Variants in DENND5B observed in about 807,000 individuals in gnomAD.
DENND5B encodes DENN domain containing 5B.
DENND5B carries 34 observed loss-of-function variants against 140.6 expected under a neutral mutation model. The ratio of observed to expected loss-of-function variants is 0.24; its 90% CI spans 0.18 to 0.32. The LOEUF (loss-of-function observed/expected upper bound fraction) is 0.32, where lower values mean the gene tolerates loss of function less well. Ranked by LOEUF, DENND5B falls within the 10% of genes least tolerant of loss-of-function variation. DENND5B has a pLI of 1.00. For missense variants in DENND5B, 1,142 were observed against 1,560.2 expected, an observed-to-expected ratio of 0.73 and a Z score of 4.52; for synonymous variants, 551 against 562.1, an observed-to-expected ratio of 0.98 and a Z score of 0.28.
chr12:31,465,352 T>A (rs78582828), intron 3 of DENND5B: 1 of 152,582 alleles, frequency 6.6e-6, no homozygotes, highest in Non-Finnish European at 1.5e-5. Context: ...ACACCTATGA[T>A]CCTGGATGCT....
At chr12:31,537,184 C>T (rs1046505211) in intron 1 of DENND5B, among the ~76,000 whole-genome samples, 5 of 152,092 alleles carry the variant, frequency 3.3e-5, no homozygotes, top group Admixed American at 2.6e-4. Context: ...CACAGAATAA[C>T]ACTGTAACTG....
chr12:31,387,598 T>C lies in DENND5B; in HGVS notation c.*5A>G, dbSNP rs1290756445. On this transcript the variant is annotated 3_prime_UTR_variant, in exon 21 of 21. Coordinates refer to ENST00000389082, the MANE Select transcript of DENND5B (RefSeq NM_144973.4). Reference sequence around the variant, plus strand: ...GTTTGGACTGAGAGTTTCTAGCCAGTTGGGTTACACATCCACTCCTTTGAT... The same window carrying C: ...GTTTGGACTGAGAGTTTCTAGCCAGCTGGGTTACACATCCACTCCTTTGAT... The C allele has an allele frequency of 6.2e-7, 1 of 1,610,954 alleles. No homozygotes were observed. The highest frequency in any genetic ancestry group is 1.7e-5 in the Admixed American group (1 of 59,886).
intron 1 of DENND5B, among the ~76,000 whole-genome samples, chr12:31,540,307 G>A (rs896347466): frequency 1.3e-5 from 2 of 152,046 alleles, no homozygotes; most frequent in Non-Finnish European, 2.9e-5. Context: ...GCAATCTACA[G>A]ATTTCATGCA....
chr12:31,467,871 G>A (rs1945350841), intron 3 of DENND5B, among the ~76,000 whole-genome samples: 1 of 151,998 alleles, frequency 6.6e-6, no homozygotes, highest in African/African-American at 2.4e-5. Flanking sequence ...AAACTGCAAT[G>A]AGAAAAAAAT....
rs1944580175 is a variant in DENND5B, at chr12:31,452,447, G to C, written c.1122C>G (p.Asn374Lys). 3.1e-6 allele frequency: 5 copies of C among 1,605,006 alleles called. No individual in the cohort carries two copies. Among genetic ancestry groups the C allele is most frequent in the South Asian group, 1.1e-5 (1 of 89,352 alleles). Reference sequence around the variant, plus strand: ...ATTCTTCAGGCAACTCAATAAAATGGTTGTCAATGTCCACAAAACACAAAT... The same window carrying C: ...ATTCTTCAGGCAACTCAATAAAATGCTTGTCAATGTCCACAAAACACAAAT... ...EANLCFVDIDNHFIELPEEFP... is the reference protein window; with the variant it reads ...EANLCFVDIDKHFIELPEEFP... Residue 374 changes from asparagine (N) to lysine (K), a missense_variant, in exon 5 of 21, where the codon AAC becomes AAG. Transcript: ENST00000389082.
chr12:31,536,622 G>A (rs564658055), intron 1 of DENND5B, among the ~76,000 whole-genome samples: 1 of 151,888 alleles, frequency 6.6e-6, no homozygotes, highest in Non-Finnish European at 1.5e-5. Context: ...GTCTTCAGGA[G>A]GAGGCAGAAA....
intron 8 of DENND5B, 65 bp downstream of exon 8, chr12:31,433,090 C>G (rs1347590618): frequency 7.6e-7 from 1 of 1,320,802 alleles, no homozygotes; most frequent in Non-Finnish European, 1.1e-6. Context: ...ATGACATCTG[C>G]TGGAAGGAAT....
Position 31,384,836 on chromosome 12 carries a change from G to A in DENND5B, c.*2767C>T, listed in dbSNP as rs943345886. Reference sequence around the variant, plus strand: ...GGTTGGAGTGCAGTGGCACAATCTCGGCTCACTGCAACCTCCACCTCCTGT... The same window carrying A: ...GGTTGGAGTGCAGTGGCACAATCTCAGCTCACTGCAACCTCCACCTCCTGT... On this transcript the variant is annotated 3_prime_UTR_variant, in exon 21 of 21. Transcript: ENST00000389082. 2 of 150,546 alleles carry A rather than the reference G, an allele frequency of 1.3e-5. No individual in the cohort carries two copies. The highest frequency in any genetic ancestry group is 3.0e-5 in the Non-Finnish European group (2 of 67,790). The allele number at this position is 150,546 out of a possible 1,614,324, so 9.3% of individuals were successfully genotyped here. A position where few individuals can be genotyped will look rare whatever the true frequency, so the allele number is the denominator to read the frequency against.
intron 3 of DENND5B, among the ~76,000 whole-genome samples, chr12:31,464,422 AACAG>A (rs1945162305): frequency 6.6e-6 from 1 of 152,160 alleles, no homozygotes; most frequent in African/African-American, 2.4e-5. Context: ...TACATGCTTC[AACAG>A]TACCCTATCT....
chr12:31,547,674 C>A (rs1014792656), intron 1 of DENND5B, among the ~76,000 whole-genome samples: 1 of 151,824 alleles, frequency 6.6e-6, no homozygotes, highest in African/African-American at 2.4e-5. Flanking sequence ...GGATTACAGG[C>A]GTAAACCACT....
chr12:31,537,257 C>T (rs936743236), intron 1 of DENND5B, among the ~76,000 whole-genome samples: 1 of 152,038 alleles, frequency 6.6e-6, no homozygotes, highest in African/African-American at 2.4e-5. Context: ...ACTACAACAA[C>T]TTTTCAAGAC....
intron 14 of DENND5B, among the ~76,000 whole-genome samples, chr12:31,406,056 A>T (rs1942114322): frequency 6.6e-6 from 1 of 151,294 alleles, no homozygotes; most frequent in Non-Finnish European, 1.5e-5. Flanking sequence ...CATGTTGGCC[A>T]GGCTGGTCTT....
chr12:31,522,028 T>C (rs142341981), intron 1 of DENND5B, among the ~76,000 whole-genome samples: 96 of 152,318 alleles, frequency 6.3e-4, no homozygotes, highest in African/African-American at 2.3e-3. Context: ...TTCTCTCTCA[T>C]GTTAGCTATA....
At chr12:31,412,614 C>T (rs948287945) in intron 13 of DENND5B, among the ~76,000 whole-genome samples, 2 of 152,180 alleles carry the variant, frequency 1.3e-5, no homozygotes, top group Admixed American at 6.5e-5. Context: ...TCATCTCCTG[C>T]TGTGCAGCCC....
intron 14 of DENND5B, among the ~76,000 whole-genome samples, chr12:31,405,220 A>G (rs1354955742): frequency 1.3e-5 from 2 of 149,864 alleles, no homozygotes; most frequent in Non-Finnish European, 3.0e-5. Flanking sequence ...AAAATTTTAA[A>G]GTTTTTTTTT....
At position 31,452,012 on chromosome 12, in the gene DENND5B, T is replaced by A. The variant is rs753023262; in HGVS notation, c.1557A>T (p.Ala519=). 1 of 1,613,528 alleles carries A rather than the reference T, an allele frequency of 6.2e-7. No homozygotes were observed. The highest frequency in any genetic ancestry group is 2.2e-5 in the East Asian group (1 of 44,896). ...TGTCCTGGGCAGTCTGAATGACAAA[T>A]GCTTCGTAATCTGCAAACATCTGTG... ...RFTQMFADYE[A]FVIQTAQDME... is the part of the protein sequence containing the mutation. The change falls in exon 5 of 21, where the codon GCA becomes GCT. Residue 519 remains alanine, a synonymous_variant. Coordinates refer to ENST00000389082, the MANE Select transcript of DENND5B (RefSeq NM_144973.4).
At chr12:31,533,103 A>T (rs1948345280) in intron 1 of DENND5B, among the ~76,000 whole-genome samples, 2 of 152,246 alleles carry the variant, frequency 1.3e-5, no homozygotes, top group African/African-American at 4.8e-5. Flanking sequence ...AAGAAACTAC[A>T]TGTAAATAAG....
At chr12:31,448,901 C>T (rs1944391499) in intron 5 of DENND5B, among the ~76,000 whole-genome samples, 1 of 152,202 alleles carries the variant, frequency 6.6e-6, no homozygotes, top group Admixed American at 6.5e-5. Context: ...CAGAAGCAAG[C>T]CTTTGGAGAA....
At chr12:31,488,458 ACATT>A (rs1326974423) in intron 2 of DENND5B, among the ~76,000 whole-genome samples, 1 of 152,168 alleles carries the variant, frequency 6.6e-6, no homozygotes, top group East Asian at 1.9e-4. Flanking sequence ...TCTTGAGCGC[ACATT>A]CAAACATTTA....
Sources: gnomAD v4.1 joint callset for allele counts (sites outside exome capture counted in the v4.1 genomes callset) on GRCh38, gnomAD v4.1.1 for gene constraint, MANE v1.5 for transcripts, NCBI Gene and HGNC (gene_info 2026-07-23, HGNC 2026-07-21) for gene names.